The following SPOCK1 variants were observed in gnomAD, a reference collection of about 807,000 sequenced individuals.
SPOCK1 encodes SPARC (osteonectin), cwcv and kazal like domains proteoglycan 1.
Under a neutral mutation model 55.3 loss-of-function variants are expected in SPOCK1, and 23 were observed. The observed-to-expected ratio is 0.42, with a 90% CI of 0.30 to 0.59. The LOEUF (loss-of-function observed/expected upper bound fraction) is 0.59. Ranked by LOEUF, SPOCK1 falls within the 20% of genes least tolerant of loss-of-function variation. The probability of loss-of-function intolerance (pLI) is 0.22; values close to 1 mark genes in which losing one functional copy is unlikely to be tolerated. For synonymous variants in SPOCK1, 226 were observed against 221.0 expected (o/e 1.02, Z -0.20); for missense variants, 499 against 552.5 (o/e 0.90, Z 0.97).
intron 3 of SPOCK1, 33 bp from the exon 4 acceptor site, chr5:137,140,727 A>G: frequency 1.1e-6 from 1 of 904,288 alleles, no homozygotes; most frequent in South Asian, 1.6e-5. Flanking sequence ...GGCAGGGTTT[A>G]GGACCTCCAG....
At chr5:137,481,024 C>A (rs1039184379) in intron 2 of SPOCK1, among the ~76,000 whole-genome samples, 1 of 152,206 alleles carries the variant, frequency 6.6e-6, no homozygotes, top group Admixed American at 6.5e-5. Flanking sequence ...ATTCCTTTGG[C>A]TGGTGGATGT....
intron 2 of SPOCK1, among the ~76,000 whole-genome samples, chr5:137,327,830 C>T (rs534946187): frequency 1.3e-5 from 2 of 152,274 alleles, no homozygotes; most frequent in East Asian, 3.9e-4. Context: ...AAGGCATGCC[C>T]ATTTGTCTGT....
intron 7 of SPOCK1, among the ~76,000 whole-genome samples, chr5:136,991,482 T>TAGTC (rs1265095839): frequency 6.6e-6 from 1 of 152,208 alleles, no homozygotes; most frequent in Non-Finnish European, 1.5e-5. Context: ...AACCAGATGC[T>TAGTC]AGTCAAACTC....
chr5:137,363,609 C>T lies in SPOCK1; in HGVS notation c.187-96554G>A, dbSNP rs560864309. Among the ~76,000 whole-genome samples, 10 of 152,304 alleles carry T rather than the reference C, an allele frequency of 6.6e-5. No homozygotes were observed. The East Asian group carries it at 1.7e-3, about 26-fold the overall frequency. ...ACAAAAGTTAAGAATCCTTACTGTC[C>T]TAGAGCTGTCAGGAGACAATGTAGG... On this transcript the variant is annotated intron_variant, in intron 2 of 10. Transcript: ENST00000394945.
At chr5:137,458,510 T>C (rs1283297119) in intron 2 of SPOCK1, among the ~76,000 whole-genome samples, 1 of 152,232 alleles carries the variant, frequency 6.6e-6, no homozygotes, top group Non-Finnish European at 1.5e-5. Flanking sequence ...TCACTCTTCC[T>C]GAGAAAGTCA....
chr5:137,457,192 A>T (rs1260313256), intron 2 of SPOCK1, among the ~76,000 whole-genome samples: 2 of 152,246 alleles, frequency 1.3e-5, no homozygotes, highest in African/African-American at 4.8e-5. Context: ...ACACATACAC[A>T]GATACCTGCA....
At chr5:137,435,753 A>G (rs749753628) in intron 2 of SPOCK1, among the ~76,000 whole-genome samples, 1 of 150,866 alleles carries the variant, frequency 6.6e-6, no homozygotes, top group Non-Finnish European at 1.5e-5. Context: ...TGTTGTTCTT[A>G]TTTCTATATT....
At chr5:137,019,898 T>C (rs924506505) in intron 6 of SPOCK1, among the ~76,000 whole-genome samples, 2 of 151,926 alleles carry the variant, frequency 1.3e-5, no homozygotes, top group African/African-American at 4.8e-5. Flanking sequence ...CACAAACCCA[T>C]ATCAATAATG....
intron 2 of SPOCK1, among the ~76,000 whole-genome samples, chr5:137,338,195 C>A (rs182924532): frequency 0.031 from 4,618 of 147,878 alleles, 114 homozygotes; most frequent in East Asian, 0.078. Context: ...CAGTCCCCAG[C>A]GTGTGATGTT....
intron 6 of SPOCK1, among the ~76,000 whole-genome samples, chr5:137,006,659 T>C (rs1751255213): frequency 6.6e-6 from 1 of 152,218 alleles, no homozygotes; most frequent in South Asian, 2.1e-4. Context: ...ATAATTTGAC[T>C]TCTTCTCTTC....
chr5:137,325,785 G>A (rs1253464067), intron 2 of SPOCK1, among the ~76,000 whole-genome samples: 1 of 152,220 alleles, frequency 6.6e-6, no homozygotes, highest in Non-Finnish European at 1.5e-5. Context: ...AATCCACAGA[G>A]TGATGGGCAG....
At chr5:137,265,718 G>A (rs1272650337) in intron 3 of SPOCK1, among the ~76,000 whole-genome samples, 2 of 152,096 alleles carry the variant, frequency 1.3e-5, no homozygotes, top group African/African-American at 4.8e-5. Flanking sequence ...AGCCTCCAAA[G>A]GAAGGTTTTG....
rs748911733 is a variant in SPOCK1 at position 137,267,074 on chromosome 5, G to A, written c.187-19C>T. 1.2e-6 allele frequency: 2 copies of A among 1,607,206 alleles called. No homozygotes were observed. The highest frequency in any genetic ancestry group is 1.1e-5 in the South Asian group (1 of 90,640). ...AATCATCCTATATAAGGAAAAAATAGAAAACAAAGGTCAGAGTTCAAAAAG... is the reference window on the plus strand; with the variant it reads ...AATCATCCTATATAAGGAAAAAATAAAAAACAAAGGTCAGAGTTCAAAAAG... On this transcript the variant is annotated intron_variant, in intron 2 of 10. Transcript: ENST00000394945.
intron 3 of SPOCK1, among the ~76,000 whole-genome samples, chr5:137,147,728 T>G (rs1172301508): frequency 6.6e-6 from 1 of 152,182 alleles, no homozygotes; most frequent in Non-Finnish European, 1.5e-5. Flanking sequence ...GAATTGGAGC[T>G]TCAACGTGGG....
intron 3 of SPOCK1, among the ~76,000 whole-genome samples, chr5:137,197,819 T>C (rs6898945): frequency 0.017 from 2,584 of 152,336 alleles, 76 homozygotes; most frequent in African/African-American, 0.059. Context: ...GCTATGATAG[T>C]ATTTCCCAAT....
intron 2 of SPOCK1, among the ~76,000 whole-genome samples, chr5:137,434,935 T>C (rs1752828313): frequency 1.3e-5 from 2 of 152,170 alleles, no homozygotes; most frequent in East Asian, 1.9e-4. Context: ...AAGTAATAAA[T>C]GTTCAAAGAA....
intron 2 of SPOCK1, among the ~76,000 whole-genome samples, chr5:137,375,923 A>G (rs1183741271): frequency 1.3e-5 from 2 of 152,208 alleles, no homozygotes; most frequent in Non-Finnish European, 2.9e-5. Flanking sequence ...CACGCCTGCC[A>G]CTTCAAAGGG....
intron 2 of SPOCK1, among the ~76,000 whole-genome samples, chr5:137,397,335 G>A (rs1043323001): frequency 1.3e-5 from 2 of 152,182 alleles, no homozygotes; most frequent in African/African-American, 2.4e-5. Flanking sequence ...GTGATGGACC[G>A]CTTGCTGTCA....
At chr5:137,198,452 T>G (rs2127074449) in intron 3 of SPOCK1, among the ~76,000 whole-genome samples, 1 of 152,376 alleles carries the variant, frequency 6.6e-6, no homozygotes, top group East Asian at 1.9e-4. Flanking sequence ...TAAACAGCTA[T>G]CAAAGGGAGA....
Sources: gnomAD v4.1 joint callset for allele counts (sites outside exome capture counted in the v4.1 genomes callset) on GRCh38, gnomAD v4.1.1 for gene constraint, MANE v1.5 for transcripts, NCBI Gene and HGNC (gene_info 2026-07-23, HGNC 2026-07-21) for gene names.